PCGF5: variants seen among roughly 807,000 people sequenced by gnomAD.
The protein encoded by PCGF5 is polycomb group RING finger protein 5.
A neutral mutation model predicts 44.3 loss-of-function variants in PCGF5; 9 were observed. The ratio of observed to expected loss-of-function variants is 0.20; its 90% CI spans 0.12 to 0.35. The LOEUF is 0.35. Among genes scored for constraint, PCGF5 ranks in the 10% least tolerant of loss-of-function variants. PCGF5 has a pLI of 1.00. For synonymous variants in PCGF5, 95 were observed against 102.5 expected, an observed-to-expected ratio of 0.93 and a Z score of 0.44; for missense variants, 146 against 305.3, an observed-to-expected ratio of 0.48 and a Z score of 3.89.
At chr10:91,251,263 GCTAA>G (rs1437443348) in intron 5 of PCGF5, 25 bp from the exon 6 acceptor site, 2 of 1,555,146 alleles carry the variant, frequency 1.3e-6, no homozygotes, top group Non-Finnish European at 1.8e-6. Context: ...TTGATTTATA[GCTAA>G]CTTAGTTTTG....
At chr10:91,263,315 T>G (rs138906912) in intron 7 of PCGF5, among the ~76,000 whole-genome samples, 9 of 152,002 alleles carry the variant, frequency 5.9e-5, no homozygotes, top group Non-Finnish European at 1.2e-4. Flanking sequence ...ACAAAAAAGA[T>G]AAAAATGAAA....
At chr10:91,252,225 C>CT (rs1176103408) in intron 6 of PCGF5, among the ~76,000 whole-genome samples, 2 of 151,930 alleles carry the variant, frequency 1.3e-5, no homozygotes, top group African/African-American at 4.8e-5. Context: ...GTTTATCTCT[C>CT]TGTATTCTGT....
intron 2 of PCGF5, among the ~76,000 whole-genome samples, chr10:91,240,019 C>T (rs1406497898): frequency 6.6e-6 from 1 of 152,116 alleles, no homozygotes; most frequent in Admixed American, 6.6e-5. Flanking sequence ...CCCAGTTTGT[C>T]CCTGGAGCAC....
chr10:91,257,708 ATTGT>A (rs1845791173), intron 6 of PCGF5, among the ~76,000 whole-genome samples: 2 of 152,076 alleles, frequency 1.3e-5, no homozygotes, highest in African/African-American at 2.4e-5. Flanking sequence ...AAACTTATGA[ATTGT>A]TTATTTCTAG....
At chr10:91,276,980 TAAAG>T (rs1190588506) in intron 9 of PCGF5, among the ~76,000 whole-genome samples, 1 of 152,182 alleles carries the variant, frequency 6.6e-6, no homozygotes, top group Non-Finnish European at 1.5e-5. Context: ...GGGAACTAAA[TAAAG>T]TTTAAAATAA....
intron 8 of PCGF5, among the ~76,000 whole-genome samples, chr10:91,269,011 A>G (rs1564657001): frequency 6.6e-6 from 1 of 152,210 alleles, no homozygotes; most frequent in Non-Finnish European, 1.5e-5. Flanking sequence ...GGAAAAAAAA[A>G]CATGCTTCTT....
chr10:91,248,964 A>G (rs922738303), intron 5 of PCGF5, among the ~76,000 whole-genome samples: 5 of 152,094 alleles, frequency 3.3e-5, no homozygotes, highest in Non-Finnish European at 7.4e-5. Context: ...GGAAGAGAAA[A>G]GGGAGATAAA....
intron 1 of PCGF5, among the ~76,000 whole-genome samples, chr10:91,163,688 G>C (rs1220174017): frequency 6.6e-6 from 1 of 152,208 alleles, no homozygotes; most frequent in Admixed American, 6.5e-5. Context: ...AAGATGTCAC[G>C]GAGAGGAAAG....
intron 6 of PCGF5, among the ~76,000 whole-genome samples, chr10:91,256,710 C>A (rs1000608342): frequency 3.3e-5 from 5 of 152,028 alleles, no homozygotes; most frequent in African/African-American, 1.2e-4. Flanking sequence ...GACTCATGCA[C>A]AAAGGACCCC....
intron 1 of PCGF5, among the ~76,000 whole-genome samples, chr10:91,190,043 G>A (rs1844003548): frequency 1.3e-5 from 2 of 152,276 alleles, no homozygotes; most frequent in East Asian, 1.9e-4. Context: ...CAAACTGTAT[G>A]GTTTATATAC....
In PCGF5 at chr10:91,196,449, C is replaced by T. The variant is rs146672621; in HGVS notation, c.-183-26240C>T. 5.2e-3 allele frequency among the ~76,000 whole-genome samples: 799 copies of T among 152,336 alleles called. 7 individuals are homozygous for T. The highest frequency in any genetic ancestry group is 0.018 in the African/African-American group (748 of 41,566). On this transcript the variant is annotated intron_variant, in intron 1 of 9. Coordinates refer to the PCGF5 transcript ENST00000614189. ...AAGCACAAAGCAGAGCTTTATGTCC[C>T]TTCTCACCCCAGGGCTTTTGCACTT...
At chr10:91,261,494 G>A in intron 7 of PCGF5, 70 bp downstream of exon 7, 1 of 1,314,278 alleles carries the variant, frequency 7.6e-7, no homozygotes, top group Non-Finnish European at 9.9e-7. Flanking sequence ...TAACAAAAGT[G>A]AAAACTGAGA....
chr10:91,190,723 A>G (rs181299368), intron 1 of PCGF5, among the ~76,000 whole-genome samples: 7 of 152,328 alleles, frequency 4.6e-5, no homozygotes, highest in Middle Eastern at 3.4e-3. Flanking sequence ...TGAATGAAAG[A>G]TTGTCTTAAA....
At chr10:91,241,032 G>A (rs1845310440) in intron 3 of PCGF5, among the ~76,000 whole-genome samples, 2 of 148,322 alleles carry the variant, frequency 1.3e-5, no homozygotes, top group Admixed American at 1.4e-4. Flanking sequence ...CTCAACTTTA[G>A]CAGTATAATC....
At chr10:91,273,651 G>A (rs1363183846) in intron 9 of PCGF5, among the ~76,000 whole-genome samples, 1 of 151,940 alleles carries the variant, frequency 6.6e-6, no homozygotes, top group Non-Finnish European at 1.5e-5. Context: ...TTCCTATGCT[G>A]TATCTATTGT....
intron 9 of PCGF5, among the ~76,000 whole-genome samples, chr10:91,272,933 A>C (rs1332924861): frequency 6.6e-6 from 1 of 152,214 alleles, no homozygotes; most frequent in South Asian, 2.1e-4. Flanking sequence ...ACAGTTTTGG[A>C]GTTGGGACAA....
intron 1 of PCGF5, among the ~76,000 whole-genome samples, chr10:91,164,300 G>A (rs555746248): frequency 6.6e-6 from 1 of 152,310 alleles, no homozygotes; most frequent in South Asian, 2.1e-4. Flanking sequence ...AAAGGGCAGC[G>A]GGGTCCCCTC....
At chr10:91,228,468 T>C (rs1246610021) in intron 2 of PCGF5, among the ~76,000 whole-genome samples, 1 of 152,178 alleles carries the variant, frequency 6.6e-6, no homozygotes, top group African/African-American at 2.4e-5. Flanking sequence ...TCAGAGATTA[T>C]GGCAGTAATC....
intron 3 of PCGF5, among the ~76,000 whole-genome samples, chr10:91,247,577 G>A (rs1008750125): frequency 2.6e-5 from 4 of 151,188 alleles, no homozygotes; most frequent in African/African-American, 9.7e-5. Flanking sequence ...CAGGATGAAG[G>A]AGATGAGGCA....
Sources: gnomAD v4.1 joint callset for allele counts (sites outside exome capture counted in the v4.1 genomes callset) on GRCh38, gnomAD v4.1.1 for gene constraint, MANE v1.5 for transcripts, NCBI Gene and HGNC (gene_info 2026-07-23, HGNC 2026-07-21) for gene names.